The following HPSE2 variants were observed in gnomAD, a reference collection of about 807,000 sequenced individuals.
HPSE2 encodes the protein inactive heparanase-2.
A neutral mutation model predicts 60.5 loss-of-function variants in HPSE2; 38 were observed. The observed-to-expected ratio is 0.63, with a 90% CI of 0.48 to 0.82. The LOEUF is 0.82. Among genes scored for constraint, HPSE2 ranks in the 40% least tolerant of loss-of-function variants. HPSE2 has a pLI of 0.00. For missense variants in HPSE2, 713 were observed against 740.4 expected (o/e 0.96, Z 0.43); for synonymous variants, 295 against 293.2 (o/e 1.01, Z -0.06).
Position 98,651,263 on chromosome 10 carries a change from A to G in HPSE2, c.1005-9323T>C, listed in dbSNP as rs957367445. Reference sequence around the variant, plus strand: ...ACCATGATATATGTGTGTGCATACAAGCATGTGTGTAGATGTGTGTTAAAA... The same window carrying G: ...ACCATGATATATGTGTGTGCATACAGGCATGTGTGTAGATGTGTGTTAAAA... On this transcript the variant is annotated intron_variant, in intron 6 of 11. Coordinates refer to ENST00000370552, the MANE Select transcript of HPSE2 (RefSeq NM_021828.5). Among the ~76,000 whole-genome samples the G allele has an allele frequency of 8.5e-5, 13 of 152,320 alleles. No homozygotes were observed. The East Asian group carries it at 1.2e-3, about 14-fold the overall frequency.
the HPSE2 span, among the ~76,000 whole-genome samples, chr10:99,261,238 C>T: frequency 1.3e-5 from 2 of 152,096 alleles, no homozygotes; most frequent in African/African-American, 4.8e-5. Context: ...ACCCATCTGA[C>T]CTCTCCCCTC....
chr10:98,732,511 G>T (rs1949252281), intron 4 of HPSE2, among the ~76,000 whole-genome samples: 1 of 151,952 alleles, frequency 6.6e-6, no homozygotes, highest in Non-Finnish European at 1.5e-5. Context: ...TTTTACAAAG[G>T]TGCCAAGATA....
rs140745514 is a variant in HPSE2 at position 98,559,229 on chromosome 10, T to C, written c.1320+55675A>G. On this transcript the variant is annotated intron_variant, in intron 9 of 11. Transcript: ENST00000370552. ...TTTTAGTAGAGATGGGGTTTCACCA[T>C]GTTAGCCAGGCTGGTCTTAAATTCC... Among the ~76,000 whole-genome samples the C allele has an allele frequency of 8.8e-3, 1,347 of 152,294 alleles. 18 individuals are homozygous for C. The highest frequency in any genetic ancestry group is 0.031 in the African/African-American group (1,287 of 41,544).
intron 2 of HPSE2, among the ~76,000 whole-genome samples, chr10:99,221,131 CA>C (rs1849299610): frequency 6.6e-6 from 1 of 152,100 alleles, no homozygotes; most frequent in Non-Finnish European, 1.5e-5. Context: ...AGGCATGAGC[CA>C]CCGCACTTGG....
chr10:98,662,056 G>A (rs192151429), intron 6 of HPSE2, among the ~76,000 whole-genome samples: 6 of 152,188 alleles, frequency 3.9e-5, no homozygotes, highest in South Asian at 2.1e-4. Flanking sequence ...CACCATGCCC[G>A]GCTAATTTTT....
chr10:99,186,273 G>A (rs1436990960), intron 2 of HPSE2, among the ~76,000 whole-genome samples: 7 of 152,004 alleles, frequency 4.6e-5, no homozygotes, highest in Non-Finnish European at 1.0e-4. Context: ...GACCGGGCAT[G>A]GTGGCTCACA....
intron 3 of HPSE2, among the ~76,000 whole-genome samples, chr10:98,922,104 A>G (rs946613204): frequency 1.4e-4 from 22 of 152,380 alleles, no homozygotes; most frequent in Non-Finnish European, 3.1e-4. Context: ...AAATGATTTA[A>G]TTACCAATAT....
At chr10:98,824,014 C>T (rs541038358) in intron 3 of HPSE2, among the ~76,000 whole-genome samples, 5 of 151,992 alleles carry the variant, frequency 3.3e-5, no homozygotes, top group South Asian at 4.2e-4. Context: ...TCTCTACAGT[C>T]GAATTAAATG....
chr10:98,621,878 CCA>C (rs1233753940), intron 7 of HPSE2, among the ~76,000 whole-genome samples: 1 of 152,200 alleles, frequency 6.6e-6, no homozygotes, highest in Non-Finnish European at 1.5e-5. Context: ...GCATGCTGGC[CCA>C]GCCCTGATCT....
chr10:98,969,785 T>C (rs1955904444), intron 3 of HPSE2, among the ~76,000 whole-genome samples: 2 of 152,144 alleles, frequency 1.3e-5, no homozygotes. Flanking sequence ...GGGCAATTTA[T>C]AAAGAAAAGA....
In HPSE2 at chr10:99,066,263, A is replaced by G. The variant is rs545860170; in HGVS notation, c.610+77975T>C. Among the ~76,000 whole-genome samples the G allele has an allele frequency of 9.8e-5, 15 of 152,346 alleles. No individual in the cohort carries two copies. The South Asian group carries it at 3.1e-3, about 32-fold the overall frequency. ...CAATAAATTTATCCATTTTCAATTA[A>G]GCAATACTTAGAGGGACATTTATAG... On this transcript the variant is annotated intron_variant, in intron 3 of 11. Transcript: ENST00000370552.
chr10:98,589,293 G>A (rs1945022897), intron 9 of HPSE2, among the ~76,000 whole-genome samples: 1 of 152,200 alleles, frequency 6.6e-6, no homozygotes, highest in Admixed American at 6.5e-5. Context: ...GTGCATAAAT[G>A]CAGCACTGAC....
intron 3 of HPSE2, among the ~76,000 whole-genome samples, chr10:99,012,659 T>C (rs892267259): frequency 6.6e-6 from 1 of 152,198 alleles, no homozygotes; most frequent in African/African-American, 2.4e-5. Context: ...TACAACCTTA[T>C]GCAAAATACT....
intron 3 of HPSE2, among the ~76,000 whole-genome samples, chr10:98,937,876 T>A (rs1218467338): frequency 7.0e-6 from 1 of 143,156 alleles, no homozygotes; most frequent in Non-Finnish European, 1.5e-5. Flanking sequence ...GGCCCAGTAC[T>A]CCTCTGAGAC....
intron 9 of HPSE2, among the ~76,000 whole-genome samples, chr10:98,572,854 A>G (rs1167870500): frequency 6.6e-6 from 1 of 152,194 alleles, no homozygotes; most frequent in Admixed American, 6.5e-5. Context: ...AGACTAAGTG[A>G]AGTGGAGGGT....
chr10:98,715,795 G>A (rs1179218080), intron 5 of HPSE2, among the ~76,000 whole-genome samples: 1 of 152,010 alleles, frequency 6.6e-6, no homozygotes, highest in Non-Finnish European at 1.5e-5. Flanking sequence ...CTGATAGAGG[G>A]TCTTGCCTTG....
In HPSE2 at chr10:98,764,499, TA is replaced by T. The variant is rs921296716; in HGVS notation, c.611-20444del. 1.3e-3 allele frequency among the ~76,000 whole-genome samples: 199 copies of T among 152,186 alleles called. 1 individual carries two copies. The highest frequency in any genetic ancestry group is 2.3e-3 in the Non-Finnish European group (155 of 68,018). On this transcript the variant is annotated intron_variant, in intron 3 of 11. Coordinates refer to ENST00000370552, the MANE Select transcript of HPSE2 (RefSeq NM_021828.5). ...ACTTGTTAGATTTGATTTTTAAAAA[TA>T]AATCCAATTATACACTATGACAAGA...
At chr10:98,533,673 C>A (rs1943196111) in intron 9 of HPSE2, among the ~76,000 whole-genome samples, 1 of 152,116 alleles carries the variant, frequency 6.6e-6, no homozygotes, top group African/African-American at 2.4e-5. Flanking sequence ...TGAAACAAAG[C>A]ATGAAGCCTG....
At chr10:98,870,464 G>A (rs1459953254) in intron 3 of HPSE2, among the ~76,000 whole-genome samples, 3 of 151,952 alleles carry the variant, frequency 2.0e-5, no homozygotes, top group Non-Finnish European at 2.9e-5. Context: ...TGGTAGAGCT[G>A]ACAACTCTGT....
Sources: gnomAD v4.1 joint callset for allele counts (sites outside exome capture counted in the v4.1 genomes callset) on GRCh38, gnomAD v4.1.1 for gene constraint, MANE v1.5 for transcripts, NCBI Gene and HGNC (gene_info 2026-07-23, HGNC 2026-07-21) for gene names.